Variants in ETNK1 observed in about 807,000 individuals in gnomAD.
ETNK1 encodes putative protein product of Nbla10396.
In ETNK1, 8 loss-of-function variants were observed where a neutral mutation model predicts 45.1. The observed-to-expected ratio is 0.18, with a 90% CI of 0.10 to 0.32. The LOEUF (loss-of-function observed/expected upper bound fraction) is 0.32, where lower values mean the gene tolerates loss of function less well. ETNK1 is among the 10% of genes least tolerant of loss of function. The probability of loss-of-function intolerance (pLI) is 1.00; values close to 1 mark genes in which losing one functional copy is unlikely to be tolerated. For missense variants in ETNK1, 302 were observed against 430.6 expected (o/e 0.70, Z 2.64); for synonymous variants, 152 against 151.9 (o/e 1.00, Z -0.01).
chr12:22,675,500 C>T (rs1016777123), intron 6 of ETNK1, among the ~76,000 whole-genome samples: 7 of 152,080 alleles, frequency 4.6e-5, no homozygotes, highest in South Asian at 2.1e-4. Context: ...GGACTACAGG[C>T]GCATGCCACC....
chr12:22,625,490 C>T lies in ETNK1; in HGVS notation c.60C>T (p.Thr20=). 1 of 1,605,868 alleles carries T rather than the reference C, an allele frequency of 6.2e-7. No homozygotes were observed. Among genetic ancestry groups the T allele is most frequent in the Non-Finnish European group, 8.5e-7 (1 of 1,176,816 alleles). ...GSPEVPKLNV[T]VQDQEEHRCR... ...CGGAGGTGCCCAAGCTGAACGTCACCGTTCAGGATCAGGAGGAGCATCGCT... is the reference window on the plus strand; with the variant it reads ...CGGAGGTGCCCAAGCTGAACGTCACTGTTCAGGATCAGGAGGAGCATCGCT... The change falls in exon 1 of 8, where the codon ACC becomes ACT. Residue 20 remains threonine (T), a synonymous_variant. Coordinates refer to ENST00000266517, the MANE Select transcript of ETNK1 (RefSeq NM_018638.5).
intron 4 of ETNK1, among the ~76,000 whole-genome samples, chr12:22,665,131 G>A (rs950764467): frequency 6.6e-6 from 1 of 152,162 alleles, no homozygotes; most frequent in South Asian, 2.1e-4. Context: ...AAACACATTC[G>A]AGTTTAGATC....
intron 1 of ETNK1, chr12:22,626,274 G>A (rs1953495210): frequency 6.5e-6 from 1 of 153,994 alleles, no homozygotes; most frequent in Admixed American, 6.5e-5. Context: ...AAATTGGGAG[G>A]AAAAAAATCC....
At position 22,673,606 on chromosome 12, in the gene ETNK1, A is replaced by G. The variant is rs748368675; in HGVS notation, c.891A>G (p.Glu297=). 54 of 1,613,868 alleles carry G rather than the reference A, an allele frequency of 3.3e-5. No individual in the cohort carries two copies. Among genetic ancestry groups the G allele is most frequent in the Non-Finnish European group, 4.5e-5 (53 of 1,179,912 alleles). Residue 297 remains glutamate (E), a synonymous_variant, in exon 6 of 8, where the codon GAA becomes GAG. Transcript: ENST00000266517. ...AYKEFKGFGT[E]VTEKEVEILF... is the part of the protein sequence containing the mutation. The stretch of plus-strand genomic sequence containing the variant: ...AAGAATTTAAGGGCTTTGGGACTGA[A>G]GTTACTGAAAAGGAGGTAGAAATAC...
intron 2 of ETNK1, chr12:22,656,441 G>A (rs1953941759): frequency 2.0e-6 from 2 of 985,278 alleles, no homozygotes; most frequent in African/African-American, 3.5e-5. Context: ...GATCAGAAGA[G>A]CAGAAACGGC....
intron 6 of ETNK1, among the ~76,000 whole-genome samples, chr12:22,679,669 T>G (rs1490080836): frequency 6.6e-6 from 1 of 151,910 alleles, no homozygotes; most frequent in African/African-American, 2.4e-5. Context: ...ATCTGATAGT[T>G]CTCATATTCG....
chr12:22,663,914 A>G (rs943212188), intron 4 of ETNK1, among the ~76,000 whole-genome samples: 2 of 151,686 alleles, frequency 1.3e-5, no homozygotes, highest in Non-Finnish European at 2.9e-5. Flanking sequence ...TTTTGATCCC[A>G]TAGTATCCGT....
At chr12:22,643,674 G>A in intron 1 of ETNK1, 89 bp from the exon 2 acceptor site, 1 of 1,059,892 alleles carries the variant, frequency 9.4e-7, no homozygotes, top group South Asian at 1.8e-5. Flanking sequence ...TCTTTAATTA[G>A]TATTTAACTC....
At position 22,625,273 on chromosome 12, in the gene ETNK1, C is replaced by G; in HGVS notation, c.-158C>G. 6.2e-7 allele frequency: 1 copy of G among 1,609,764 alleles called. No homozygotes were observed. Among genetic ancestry groups the G allele is most frequent in the Non-Finnish European group, 8.5e-7 (1 of 1,178,860 alleles). On this transcript the variant is annotated 5_prime_UTR_variant, in exon 1 of 8. Coordinates refer to ENST00000266517, the MANE Select transcript of ETNK1 (RefSeq NM_018638.5). ...ACCCGGATCGGCAACAGTGCCGCCTCCAGACGTTCTCCTGCCGCTCGCCCG... is the reference window on the plus strand; with the variant it reads ...ACCCGGATCGGCAACAGTGCCGCCTGCAGACGTTCTCCTGCCGCTCGCCCG...
chr12:22,651,793 C>G (rs912494757), intron 2 of ETNK1, among the ~76,000 whole-genome samples: 9 of 148,638 alleles, frequency 6.1e-5, no homozygotes, highest in African/African-American at 2.2e-4. Context: ...TCAAGTGATT[C>G]TCCTGCATCA....
intron 4 of ETNK1, among the ~76,000 whole-genome samples, chr12:22,666,809 A>G (rs1000062438): frequency 2.0e-5 from 3 of 152,174 alleles, no homozygotes; most frequent in Non-Finnish European, 4.4e-5. Flanking sequence ...TAAGAGTTCT[A>G]TACAATATAA....
At chr12:22,675,717 T>A (rs2137572192) in intron 6 of ETNK1, among the ~76,000 whole-genome samples, 1 of 152,256 alleles carries the variant, frequency 6.6e-6, no homozygotes, top group South Asian at 2.1e-4. Context: ...ACTTACTTAC[T>A]CTGATTCAAA....
At chr12:22,625,682 G>A (rs1010817883) in intron 1 of ETNK1, 96 bp downstream of exon 1, 3 of 1,491,042 alleles carry the variant, frequency 2.0e-6, no homozygotes, top group Admixed American at 4.0e-5. Flanking sequence ...GACCGAGGAG[G>A]ACCTAGGGCA....
intron 1 of ETNK1, among the ~76,000 whole-genome samples, chr12:22,636,375 A>G (rs1428729941): frequency 6.6e-6 from 1 of 152,146 alleles, no homozygotes; most frequent in Non-Finnish European, 1.5e-5. Context: ...CAAATTTCCA[A>G]CATTTATTAT....
chr12:22,649,421 T>C (rs1455587907), intron 2 of ETNK1, among the ~76,000 whole-genome samples: 1 of 152,108 alleles, frequency 6.6e-6, no homozygotes, highest in East Asian at 1.9e-4. Context: ...TCTAGATTCA[T>C]GTTTTTGCAC....
At chr12:22,644,090 T>G (rs981089159) in intron 2 of ETNK1, 68 bp downstream of exon 2, 1 of 1,503,348 alleles carries the variant, frequency 6.7e-7, no homozygotes, top group Non-Finnish European at 8.9e-7. Context: ...GGAAATATTT[T>G]TTAAAATTGT....
intron 2 of ETNK1, chr12:22,644,444 T>G: frequency 1.0e-6 from 1 of 978,040 alleles, no homozygotes; most frequent in Non-Finnish European, 1.3e-6. Context: ...GTTCATTATT[T>G]AATTTAATAT....
chr12:22,660,021 T>A (rs1592129452), intron 3 of ETNK1, among the ~76,000 whole-genome samples: 3 of 148,568 alleles, frequency 2.0e-5, no homozygotes, highest in Admixed American at 1.3e-4. Flanking sequence ...CAATTTTCAT[T>A]CGACACTACC....
At chr12:22,658,017 G>T (rs1460209947) in intron 2 of ETNK1, among the ~76,000 whole-genome samples, 4 of 152,154 alleles carry the variant, frequency 2.6e-5, no homozygotes, top group Non-Finnish European at 4.4e-5. Flanking sequence ...ACTTGGGAAG[G>T]TTTTAAATAT....
Sources: gnomAD v4.1 joint callset for allele counts (sites outside exome capture counted in the v4.1 genomes callset) on GRCh38, gnomAD v4.1.1 for gene constraint, MANE v1.5 for transcripts, NCBI Gene and HGNC (gene_info 2026-07-23, HGNC 2026-07-21) for gene names.